The following CDH12 variants were observed in gnomAD, a reference collection of about 807,000 sequenced individuals.
CDH12 encodes the protein cadherin-12.
A neutral mutation model predicts 74.1 loss-of-function variants in CDH12; 41 were observed. The ratio of observed to expected loss-of-function variants is 0.55; its 90% CI spans 0.43 to 0.72. CDH12 has a LOEUF of 0.72. CDH12 is among the 30% of genes least tolerant of loss of function. The pLI is 0.00. For synonymous variants in CDH12, 399 were observed against 355.0 expected (o/e 1.12, Z -1.39); for missense variants, 945 against 977.2 (o/e 0.97, Z 0.44).
intron 1 of CDH12, among the ~76,000 whole-genome samples, chr5:22,678,122 G>A (rs1218838313): frequency 6.6e-6 from 1 of 151,624 alleles, no homozygotes; most frequent in Non-Finnish European, 1.5e-5. Flanking sequence ...TCTCCAGTTA[G>A]TCACAATCAG....
chr5:22,511,147 G>T (rs969081195), intron 1 of CDH12, among the ~76,000 whole-genome samples: 1 of 151,940 alleles, frequency 6.6e-6, no homozygotes, highest in African/African-American at 2.4e-5. Flanking sequence ...TACCTGCCTC[G>T]GCCTCCCAAA....
At position 22,266,065 on chromosome 5, in the gene CDH12, A is replaced by G. The variant is rs937823524; in HGVS notation, c.-332-53422T>C. 2.7e-5 allele frequency among the ~76,000 whole-genome samples: 4 copies of G among 150,422 alleles called. No homozygotes were observed. The East Asian group carries it at 5.9e-4, about 22-fold the overall frequency. On this transcript the variant is annotated intron_variant, in intron 3 of 14. Coordinates refer to ENST00000382254, the MANE Select transcript of CDH12 (RefSeq NM_004061.5). ...TATTTATTTATTTATTTATTTATTTATTTATTTATTTATTTATTTATTTTT... is the reference window on the plus strand; with the variant it reads ...TATTTATTTATTTATTTATTTATTTGTTTATTTATTTATTTATTTATTTTT...
intron 1 of CDH12, among the ~76,000 whole-genome samples, chr5:22,739,537 A>G (rs10041954): frequency 0.82 from 123,605 of 151,450 alleles, 50,564 homozygotes; most frequent in East Asian, 0.85. Context: ...ATTTCTGTAC[A>G]GTAGTCTACC....
Position 22,585,979 on chromosome 5 carries a change from C to T in CDH12, c.-522-80615G>A, listed in dbSNP as rs568538621. Among the ~76,000 whole-genome samples, 17 of 152,244 alleles carry T rather than the reference C, an allele frequency of 1.1e-4. 1 individual carries two copies. The East Asian group carries it at 1.5e-3, about 14-fold the overall frequency. ...TAGAAATACCATGTGACTCAGCAAT[C>T]CCATTACTGGGTATATACCCAAAGG... On this transcript the variant is annotated intron_variant, in intron 1 of 14. Coordinates refer to ENST00000382254, the MANE Select transcript of CDH12 (RefSeq NM_004061.5).
At chr5:22,418,781 G>C (rs1401158992) in intron 2 of CDH12, among the ~76,000 whole-genome samples, 2 of 152,106 alleles carry the variant, frequency 1.3e-5, no homozygotes, top group African/African-American at 2.4e-5. Context: ...CTACTCAAGA[G>C]GCTGAGGCAG....
At chr5:21,796,862 T>C (rs1350784220) in intron 10 of CDH12, among the ~76,000 whole-genome samples, 2 of 152,046 alleles carry the variant, frequency 1.3e-5, no homozygotes, top group African/African-American at 4.8e-5. Flanking sequence ...CTCAAGAACT[T>C]GCTGTTATGA....
intron 1 of CDH12, among the ~76,000 whole-genome samples, chr5:22,699,236 T>C (rs1742582914): frequency 6.6e-6 from 1 of 152,080 alleles, no homozygotes; most frequent in African/African-American, 2.4e-5. Context: ...TATTTCTTAT[T>C]AGTGATTTAA....
chr5:22,443,074 C>A (rs1744689087), intron 2 of CDH12, among the ~76,000 whole-genome samples: 1 of 152,080 alleles, frequency 6.6e-6, no homozygotes, highest in Admixed American at 6.6e-5. Flanking sequence ...TCTGTTGAAG[C>A]AATGTTCTTG....
intron 1 of CDH12, among the ~76,000 whole-genome samples, chr5:22,764,951 C>T (rs7705722): frequency 0.48 from 72,526 of 151,804 alleles, 17,466 homozygotes; most frequent in East Asian, 0.56. Context: ...TTAGCATATA[C>T]TGTGTTTGCA....
intron 2 of CDH12, among the ~76,000 whole-genome samples, chr5:22,406,265 G>A (rs890561375): frequency 7.9e-5 from 12 of 152,092 alleles, no homozygotes; most frequent in African/African-American, 2.7e-4. Flanking sequence ...CAACTTTTAG[G>A]GAAGGAGGGA....
rs184103922 is a variant in CDH12, at chr5:21,990,627, T to C, written c.232-15242A>G. Among the ~76,000 whole-genome samples the C allele has an allele frequency of 3.7e-3, 563 of 152,164 alleles. 4 individuals are homozygous for C. Among genetic ancestry groups the C allele is most frequent in the Non-Finnish European group, 3.8e-3 (258 of 67,944 alleles). ...TATAAATGTGCATGAGAAAACTGAC[T>C]GGATTCAATAAGATTGTAGAAAAAG... On this transcript the variant is annotated intron_variant, in intron 5 of 14. Coordinates refer to ENST00000382254, the MANE Select transcript of CDH12 (RefSeq NM_004061.5).
At chr5:22,390,014 TACACACAC>T (rs70959727) in intron 3 of CDH12, among the ~76,000 whole-genome samples, 1 of 150,012 alleles carries the variant, frequency 6.7e-6, no homozygotes, top group Admixed American at 6.7e-5. Flanking sequence ...GTAGTCAGAA[TACACACAC>T]ACACACACAC....
intron 1 of CDH12, among the ~76,000 whole-genome samples, chr5:22,710,097 T>G (rs760234402): frequency 6.6e-6 from 1 of 152,154 alleles, no homozygotes; most frequent in East Asian, 1.9e-4. Context: ...GACTGCTACA[T>G]CAAAGCAAAA....
intron 1 of CDH12, among the ~76,000 whole-genome samples, chr5:22,808,075 T>C (rs1197754293): frequency 6.6e-6 from 1 of 152,240 alleles, no homozygotes; most frequent in Non-Finnish European, 1.5e-5. Flanking sequence ...AAAATATTGT[T>C]ATGCCATGCA....
At chr5:22,802,201 A>G (rs1157837357) in intron 1 of CDH12, among the ~76,000 whole-genome samples, 1 of 147,108 alleles carries the variant, frequency 6.8e-6, no homozygotes. Flanking sequence ...GGCTCACTGC[A>G]AGCTCTGCCT....
At chr5:22,373,839 A>T (rs1381025163) in intron 3 of CDH12, among the ~76,000 whole-genome samples, 2 of 152,328 alleles carry the variant, frequency 1.3e-5, no homozygotes, top group East Asian at 3.9e-4. Flanking sequence ...TGACTATTAC[A>T]ACAGATGTGC....
intron 6 of CDH12, among the ~76,000 whole-genome samples, chr5:21,918,910 G>A (rs929358230): frequency 1.1e-4 from 16 of 151,980 alleles, no homozygotes; most frequent in African/African-American, 3.4e-4. Context: ...TATCTCTAAT[G>A]TATATTCTAT....
chr5:22,318,093 T>C (rs1738708775), intron 3 of CDH12, among the ~76,000 whole-genome samples: 1 of 152,198 alleles, frequency 6.6e-6, no homozygotes, highest in African/African-American at 2.4e-5. Flanking sequence ...AGAACTGAAA[T>C]AGCCTTTATT....
At chr5:22,486,912 T>C (rs977219385) in intron 2 of CDH12, among the ~76,000 whole-genome samples, 14 of 152,162 alleles carry the variant, frequency 9.2e-5, no homozygotes, top group South Asian at 2.1e-4. Flanking sequence ...TGGAAGTTCA[T>C]TGAGGTCAAG....
Sources: gnomAD v4.1 joint callset for allele counts (sites outside exome capture counted in the v4.1 genomes callset) on GRCh38, gnomAD v4.1.1 for gene constraint, MANE v1.5 for transcripts, NCBI Gene and HGNC (gene_info 2026-07-23, HGNC 2026-07-21) for gene names.